PDCD6IP: variants seen among roughly 807,000 people sequenced by gnomAD.
PDCD6IP encodes programmed cell death 6 interacting protein, also known as programmed cell death 6-interacting protein.
A neutral mutation model predicts 103.7 loss-of-function variants in PDCD6IP; 43 were observed. That is an observed-to-expected ratio of 0.41 (90% confidence interval 0.32 to 0.53). PDCD6IP has a LOEUF of 0.53. Among genes scored for constraint, PDCD6IP ranks in the 20% least tolerant of loss-of-function variants. PDCD6IP has a pLI of 0.16. For missense variants in PDCD6IP, 871 were observed against 1,036.7 expected, an observed-to-expected ratio of 0.84 and a Z score of 2.20; for synonymous variants, 354 against 378.7, an observed-to-expected ratio of 0.93 and a Z score of 0.76.
chr3:33,846,111 A>G (rs1389912556), intron 12 of PDCD6IP, among the ~76,000 whole-genome samples: 2 of 152,236 alleles, frequency 1.3e-5, no homozygotes, highest in African/African-American at 4.8e-5. Context: ...GTCCTAAAAG[A>G]AGAGAAAGTG....
In PDCD6IP at chr3:33,826,523, T is replaced by A; in HGVS notation, c.660T>A (p.Ala220=). 1 of 1,612,564 alleles carries A rather than the reference T, an allele frequency of 6.2e-7. No homozygotes were observed. The highest frequency in any genetic ancestry group is 8.5e-7 in the Non-Finnish European group (1 of 1,179,034). Residue 220 remains alanine, a synonymous_variant, in exon 6 of 18, where the codon GCT becomes GCA. Coordinates refer to ENST00000307296, the MANE Select transcript of PDCD6IP (RefSeq NM_013374.6). ...TCATAGCTAAATTGGCTAATCAGGCTGCAGATTATTTTGGTGATGCTTTCA... is the reference window on the plus strand; with the variant it reads ...TCATAGCTAAATTGGCTAATCAGGCAGCAGATTATTTTGGTGATGCTTTCA... ...DAIIAKLANQ[A]ADYFGDAFKQ... is the part of the protein sequence containing the mutation.
chr3:33,818,621 C>T (rs1696917750), intron 3 of PDCD6IP, among the ~76,000 whole-genome samples: 1 of 144,912 alleles, frequency 6.9e-6, no homozygotes, highest in Non-Finnish European at 1.5e-5. Flanking sequence ...AAGGTTCAAG[C>T]GATTATCCTG....
intron 8 of PDCD6IP, among the ~76,000 whole-genome samples, chr3:33,837,132 C>T (rs1349615871): frequency 6.6e-6 from 1 of 152,038 alleles, no homozygotes; most frequent in Non-Finnish European, 1.5e-5. Flanking sequence ...GTTGGTCAGG[C>T]TGGCCTGGAA....
chr3:33,843,346 A>G (rs1022960538), intron 10 of PDCD6IP, among the ~76,000 whole-genome samples: 10 of 152,150 alleles, frequency 6.6e-5, no homozygotes, highest in African/African-American at 2.4e-4. Context: ...TTCATGTTCT[A>G]AATTCACAAT....
At chr3:33,842,625 G>GT (rs1174083804) in intron 10 of PDCD6IP, among the ~76,000 whole-genome samples, 1 of 151,790 alleles carries the variant, frequency 6.6e-6, no homozygotes. Context: ...TTTTGTTACT[G>GT]TTTTTTAAAA....
At chr3:33,804,263 C>T (rs1666482732) in intron 1 of PDCD6IP, among the ~76,000 whole-genome samples, 1 of 152,198 alleles carries the variant, frequency 6.6e-6, no homozygotes, top group South Asian at 2.1e-4. Context: ...TCAGGTTCCG[C>T]ACAGGAAGAG....
At chr3:33,800,079 C>CA (rs1363637579) in intron 1 of PDCD6IP, among the ~76,000 whole-genome samples, 1 of 138,812 alleles carries the variant, frequency 7.2e-6, no homozygotes, top group Non-Finnish European at 1.5e-5. Flanking sequence ...GAGATCGCGC[C>CA]ACTGCACTCC....
chr3:33,843,724 G>A (rs1331568160), intron 10 of PDCD6IP, among the ~76,000 whole-genome samples: 1 of 151,942 alleles, frequency 6.6e-6, no homozygotes, highest in East Asian at 1.9e-4. Context: ...ATAATTTTCT[G>A]TTTGTTGTAT....
intron 9 of PDCD6IP, 64 bp from the exon 10 acceptor site, chr3:33,841,829 AAAGT>A (rs1177113540): frequency 9.9e-7 from 1 of 1,005,080 alleles, no homozygotes; most frequent in Non-Finnish European, 1.5e-6. Context: ...TAAATTAAAT[AAAGT>A]AAGTATTGAT....
chr3:33,828,855 G>A lies in PDCD6IP; in HGVS notation c.720G>A (p.Glu240=). 1 of 1,612,898 alleles carries A rather than the reference G, an allele frequency of 6.2e-7. No individual in the cohort carries two copies. The highest frequency in any genetic ancestry group is 2.2e-5 in the East Asian group (1 of 44,862). Residue 240 remains glutamate (E), a splice_region_variant and synonymous_variant, in exon 7 of 18, where the codon GAG becomes GAA. Transcript: ENST00000307296. ...CTGGTCAGTATTTTTATTTCCAGGA[G>A]GTGTTCCCTGTCTTGGCTGCAAAGC... The part of the protein sequence containing the change: ...QCQYKDTLPK[E]VFPVLAAKHC...
intron 1 of PDCD6IP, among the ~76,000 whole-genome samples, chr3:33,801,106 T>C (rs1696466820): frequency 1.3e-5 from 2 of 152,210 alleles, no homozygotes; most frequent in Admixed American, 1.3e-4. Flanking sequence ...TTTGGGCTTC[T>C]AGAGGGGTTA....
chr3:33,869,371 A>G lies in PDCD6IP; in HGVS notation c.*2846A>G, dbSNP rs1698137488. Reference sequence around the variant, plus strand: ...TGATTCACAGTACAGAACAAGGTATAAAGGAAAAAACCCTGCTAGGTAGTG... The same window carrying G: ...TGATTCACAGTACAGAACAAGGTATGAAGGAAAAAACCCTGCTAGGTAGTG... On this transcript the variant is annotated 3_prime_UTR_variant, in exon 18 of 18. Coordinates refer to ENST00000307296, the MANE Select transcript of PDCD6IP (RefSeq NM_013374.6). 1 of 152,242 alleles carries G rather than the reference A, an allele frequency of 6.6e-6. No individual in the cohort carries two copies. Among genetic ancestry groups the G allele is most frequent in the Non-Finnish European group, 1.5e-5 (1 of 68,034 alleles). 9.4% of individuals were successfully genotyped at this position (152,242 alleles called of 1,614,324 possible).
At chr3:33,828,044 T>C (rs1390949232) in intron 6 of PDCD6IP, 1 of 152,164 alleles carries the variant, frequency 6.6e-6, no homozygotes, top group East Asian at 1.9e-4. Context: ...TTTAATATCA[T>C]ATACTTCCTA....
At chr3:33,811,953 A>G (rs555752182) in intron 1 of PDCD6IP, 119 bp from the exon 2 acceptor site, 518 of 1,336,340 alleles carry the variant, frequency 3.9e-4, no homozygotes, top group Non-Finnish European at 4.8e-4. Context: ...TTTTTTTCAT[A>G]TAAAATAGCT....
intron 3 of PDCD6IP, among the ~76,000 whole-genome samples, chr3:33,818,574 A>C (rs1371618351): frequency 7.9e-6 from 1 of 125,974 alleles, no homozygotes; most frequent in African/African-American, 3.1e-5. Context: ...GCTGGAGTGC[A>C]GTGGCACGAT....
chr3:33,800,291 G>T (rs1323907587), intron 1 of PDCD6IP, among the ~76,000 whole-genome samples: 1 of 151,990 alleles, frequency 6.6e-6, no homozygotes, highest in Non-Finnish European at 1.5e-5. Context: ...AATAACAATC[G>T]TCCGCAACAC....
intron 1 of PDCD6IP, among the ~76,000 whole-genome samples, chr3:33,804,768 T>A (rs1696554660): frequency 6.6e-6 from 1 of 152,206 alleles, no homozygotes; most frequent in African/African-American, 2.4e-5. Context: ...CCCAGCTAGT[T>A]ACTTTTTGCC....
Position 33,812,075 on chromosome 3 carries a change from T to C in PDCD6IP, c.213T>C (p.Tyr71=), listed in dbSNP as rs1402881716. The C allele has an allele frequency of 2.5e-6, 4 of 1,593,378 alleles. No individual in the cohort carries two copies. The highest frequency in any genetic ancestry group is 4.5e-5 in the East Asian group (2 of 43,986). ...TTAATTCTGCTCTATTTTTTAGATA[T>C]TATGATCAGATTTGTTCTATTGAAC... ...HEGALETLLR[Y]YDQICSIEPK... is the part of the protein sequence containing the mutation. The change falls in exon 2 of 18, where the codon TAT becomes TAC. Residue 71 remains tyrosine (Y), a synonymous_variant. Coordinates refer to ENST00000307296, the MANE Select transcript of PDCD6IP (RefSeq NM_013374.6).
At chr3:33,837,653 A>G (rs1453508986) in intron 8 of PDCD6IP, among the ~76,000 whole-genome samples, 1 of 151,528 alleles carries the variant, frequency 6.6e-6, no homozygotes, top group Admixed American at 6.6e-5. Flanking sequence ...CAGTGGTGCA[A>G]TCTCGGCTCA....
Sources: gnomAD v4.1 joint callset for allele counts (sites outside exome capture counted in the v4.1 genomes callset) on GRCh38, gnomAD v4.1.1 for gene constraint, MANE v1.5 for transcripts, NCBI Gene and HGNC (gene_info 2026-07-23, HGNC 2026-07-21) for gene names.